BABAM2: variants seen among roughly 807,000 people sequenced by gnomAD.
The protein encoded by BABAM2 is BRISC and BRCA1-A complex member 2.
In BABAM2, 31 loss-of-function variants were observed where a neutral mutation model predicts 54.7. The ratio of observed to expected loss-of-function variants is 0.57; its 90% confidence interval spans 0.43 to 0.77. The LOEUF is 0.77. BABAM2 is among the 30% of genes least tolerant of loss of function. The pLI is 0.00. For missense variants in BABAM2, 364 were observed against 455.8 expected, an observed-to-expected ratio of 0.80 and a Z score of 1.83; for synonymous variants, 167 against 162.9, an observed-to-expected ratio of 1.03 and a Z score of -0.19.
At chr2:28,273,115 C>T (rs112461190) in intron 10 of BABAM2, among the ~76,000 whole-genome samples, 2,612 of 152,318 alleles carry the variant, frequency 0.017, 66 homozygotes, top group African/African-American at 0.059. Context: ...CCCAATTCCA[C>T]GGACCGAACA....
intron 2 of BABAM2, among the ~76,000 whole-genome samples, chr2:27,911,968 C>G (rs562284566): frequency 6.6e-6 from 1 of 152,186 alleles, no homozygotes; most frequent in Non-Finnish European, 1.5e-5. Context: ...ACCCACTAAC[C>G]CCCAAGCTTT....
At chr2:28,114,468 G>T (rs570112051) in intron 6 of BABAM2, among the ~76,000 whole-genome samples, 5 of 152,052 alleles carry the variant, frequency 3.3e-5, no homozygotes, top group Non-Finnish European at 7.4e-5. Context: ...AATTAATCAC[G>T]TATTACCTTG....
intron 7 of BABAM2, among the ~76,000 whole-genome samples, chr2:28,157,418 T>C (rs751188927): frequency 8.5e-5 from 13 of 152,148 alleles, no homozygotes; most frequent in Middle Eastern, 3.2e-3. Context: ...TAGCTTATTT[T>C]TACACTCCTA....
chr2:27,965,658 TACAC>T (rs757230016), intron 3 of BABAM2, among the ~76,000 whole-genome samples: 36 of 152,188 alleles, frequency 2.4e-4, no homozygotes, highest in Non-Finnish European at 1.8e-4. Flanking sequence ...GCTATATATA[TACAC>T]ACACGTATAC....
intron 6 of BABAM2, among the ~76,000 whole-genome samples, chr2:28,062,589 A>C (rs920590599): frequency 1.3e-4 from 19 of 141,342 alleles, no homozygotes; most frequent in East Asian, 1.2e-3. Flanking sequence ...AAAAAAAAAA[A>C]CATATTTCCA....
intron 2 of BABAM2, among the ~76,000 whole-genome samples, chr2:27,907,255 C>CTT (rs879351795): frequency 4.1e-5 from 6 of 145,064 alleles, no homozygotes; most frequent in African/African-American, 1.3e-4. Flanking sequence ...AAAAATACAT[C>CTT]TTTTTTTTTT....
intron 3 of BABAM2, chr2:27,930,136 T>C: frequency 2.3e-6 from 1 of 442,328 alleles, no homozygotes; most frequent in Non-Finnish European, 4.1e-6. Flanking sequence ...TCCTAATATT[T>C]AGGCATGCCC....
At chr2:28,239,291 A>G (rs1682195452) in intron 8 of BABAM2, among the ~76,000 whole-genome samples, 1 of 152,214 alleles carries the variant, frequency 6.6e-6, no homozygotes, top group African/African-American at 2.4e-5. Flanking sequence ...ATCAGTACCA[A>G]TTGTGTCAAG....
At chr2:27,975,900 A>C (rs1349809446) in intron 3 of BABAM2, among the ~76,000 whole-genome samples, 5 of 152,124 alleles carry the variant, frequency 3.3e-5, no homozygotes, top group Non-Finnish European at 7.4e-5. Context: ...CTGAACAGAT[A>C]CTCCACCAAG....
chr2:28,066,381 A>G (rs1663571167), intron 6 of BABAM2, among the ~76,000 whole-genome samples: 1 of 152,038 alleles, frequency 6.6e-6, no homozygotes, highest in Admixed American at 6.6e-5. Context: ...GTTTGGGAAT[A>G]TTATTATATA....
At chr2:28,010,366 T>A (rs2148530289) in intron 4 of BABAM2, among the ~76,000 whole-genome samples, 1 of 152,318 alleles carries the variant, frequency 6.6e-6, no homozygotes, top group Non-Finnish European at 1.5e-5. Context: ...ATTATAATCA[T>A]CATTGGGTTA....
chr2:28,051,858 C>T (rs1251434687), intron 6 of BABAM2, among the ~76,000 whole-genome samples: 1 of 151,968 alleles, frequency 6.6e-6, no homozygotes, highest in African/African-American at 2.4e-5. Context: ...CCACATTGAG[C>T]AGGCTGGTCT....
chr2:28,109,782 G>T (rs2148723508), intron 6 of BABAM2, among the ~76,000 whole-genome samples: 1 of 152,216 alleles, frequency 6.6e-6, no homozygotes, highest in South Asian at 2.1e-4. Context: ...GTACTTTTCA[G>T]TTTCTACTAT....
chr2:27,963,149 A>G lies in BABAM2; in HGVS notation c.206-24844A>G, dbSNP rs79533933. On this transcript the variant is annotated intron_variant, in intron 3 of 11. Coordinates refer to ENST00000379624, the MANE Select transcript of BABAM2 (RefSeq NM_199191.3). ...GATAATGGCAGCAGACTATAGATGA[A>G]GGAAATCGTTGTCCCAATATTTAAA... Among the ~76,000 whole-genome samples the G allele has an allele frequency of 9.7e-4, 148 of 152,282 alleles. 2 individuals carry two copies. The East Asian group carries it at 0.023, about 24-fold the overall frequency.
intron 3 of BABAM2, among the ~76,000 whole-genome samples, chr2:27,939,535 C>G (rs1323324363): frequency 1.3e-5 from 2 of 152,136 alleles, no homozygotes; most frequent in Non-Finnish European, 2.9e-5. Context: ...GTTGTATCAG[C>G]CTTTTGCCAA....
At chr2:28,212,286 C>G (rs1679535590) in intron 7 of BABAM2, among the ~76,000 whole-genome samples, 1 of 152,218 alleles carries the variant, frequency 6.6e-6, no homozygotes, top group South Asian at 2.1e-4. Context: ...GCACCAGGCA[C>G]TGTTCTAGGT....
chr2:27,931,360 C>A (rs1480098234), intron 3 of BABAM2, among the ~76,000 whole-genome samples: 1 of 152,122 alleles, frequency 6.6e-6, no homozygotes, highest in Non-Finnish European at 1.5e-5. Flanking sequence ...GAGAGAATCA[C>A]TTGCAGATTC....
chr2:27,937,717 T>C (rs538431568), intron 3 of BABAM2, among the ~76,000 whole-genome samples: 22 of 152,336 alleles, frequency 1.4e-4, no homozygotes, highest in African/African-American at 5.1e-4. Context: ...TAACCTCTTG[T>C]TAGATGTATA....
rs1156312420 is a variant in BABAM2, at chr2:28,112,181, C to T, written c.571-17090C>T. ...TCCCTCCCTCCCTCCCTCCCTCCCT[C>T]CCTCCCTCCCTCCCTCCCTTCCTTC... On this transcript the variant is annotated intron_variant, in intron 6 of 11. Transcript: ENST00000379624. Among the ~76,000 whole-genome samples the T allele has an allele frequency of 8.1e-4, 25 of 30,864 alleles. 4 individuals carry two copies. Among genetic ancestry groups the T allele is most frequent in the African/African-American group, 1.7e-3 (11 of 6,396 alleles). The allele number at this position is 30,864 out of a possible 152,430, so 20.2% of individuals were successfully genotyped here.
Sources: gnomAD v4.1 joint callset for allele counts (sites outside exome capture counted in the v4.1 genomes callset) on GRCh38, gnomAD v4.1.1 for gene constraint, MANE v1.5 for transcripts, NCBI Gene and HGNC (gene_info 2026-07-23, HGNC 2026-07-21) for gene names.